The following STT3B variants were observed in gnomAD, a reference collection of about 807,000 sequenced individuals.
STT3B encodes the protein dolichyl-diphosphooligosaccharide--protein glycosyltransferase subunit STT3B.
STT3B carries 29 observed loss-of-function variants against 96.8 expected under a neutral mutation model. That is an observed-to-expected ratio of 0.30 (90% CI 0.22 to 0.41). STT3B has a LOEUF of 0.41. STT3B is among the 10% of genes least tolerant of loss of function. STT3B has a pLI of 1.00. For missense variants in STT3B, 640 were observed against 1,022.3 expected, an observed-to-expected ratio of 0.63 and a Z score of 5.10; for synonymous variants, 367 against 360.0, an observed-to-expected ratio of 1.02 and a Z score of -0.22.
At chr3:31,608,652 C>T (rs189645133) in intron 5 of STT3B, among the ~76,000 whole-genome samples, 42 of 152,294 alleles carry the variant, frequency 2.8e-4, no homozygotes, top group African/African-American at 9.6e-4. Context: ...CAACCATTAT[C>T]TAGAAGAATA....
chr3:31,600,862 C>T lies in STT3B; in HGVS notation c.877+403C>T, dbSNP rs145110005. Among the ~76,000 whole-genome samples the T allele has an allele frequency of 1.2e-3, 182 of 152,176 alleles. 2 individuals carry two copies. Among genetic ancestry groups the T allele is most frequent in the Middle Eastern group, 6.8e-3 (2 of 294 alleles). ...CTTTTTTGGATAATGTACTAATAGA[C>T]TGAGTCTCTGTTGTCTCTAGAAAAA... On this transcript the variant is annotated intron_variant, in intron 5 of 15. Transcript: ENST00000295770.
chr3:31,617,936 C>A lies in STT3B; in HGVS notation c.1124-4C>A. On this transcript the variant is annotated splice_polypyrimidine_tract_variant and splice_region_variant and intron_variant, in intron 7 of 15. Transcript: ENST00000295770. Reference sequence around the variant, plus strand: ...TTAATTTCATCCATGTTTTTCCTTCCAAGGTTACATTGCACCATGGAGTGG... The same window carrying A: ...TTAATTTCATCCATGTTTTTCCTTCAAAGGTTACATTGCACCATGGAGTGG... 6.3e-7 allele frequency: 1 copy of A among 1,598,848 alleles called. No homozygotes were observed. The highest frequency in any genetic ancestry group is 8.6e-7 in the Non-Finnish European group (1 of 1,167,268).
chr3:31,600,947 T>TGA (rs756684398), intron 5 of STT3B, among the ~76,000 whole-genome samples: 28 of 152,276 alleles, frequency 1.8e-4, no homozygotes, highest in Non-Finnish European at 3.8e-4. Context: ...TAGCGGTAGA[T>TGA]GATGTTTCAC....
intron 3 of STT3B, among the ~76,000 whole-genome samples, chr3:31,587,687 A>G (rs963880565): frequency 6.6e-6 from 1 of 152,036 alleles, no homozygotes; most frequent in Admixed American, 6.6e-5. Flanking sequence ...TTGGGTTCTA[A>G]TTTCTGTCTA....
At chr3:31,595,386 C>A (rs1397685296) in intron 3 of STT3B, among the ~76,000 whole-genome samples, 2 of 152,170 alleles carry the variant, frequency 1.3e-5, no homozygotes, top group East Asian at 3.9e-4. Context: ...AGTAGCTCAG[C>A]TGTTTTCTGT....
chr3:31,623,399 G>A (rs1288286328), intron 10 of STT3B, among the ~76,000 whole-genome samples: 1 of 152,182 alleles, frequency 6.6e-6, no homozygotes, highest in African/African-American at 2.4e-5. Context: ...TTTAATTAAA[G>A]TATAAGGACA....
chr3:31,614,353 A>G (rs547851408), intron 5 of STT3B, among the ~76,000 whole-genome samples: 6 of 152,110 alleles, frequency 3.9e-5, no homozygotes, highest in South Asian at 2.1e-4. Flanking sequence ...TCTCTAATCA[A>G]TTGCGTAACA....
chr3:31,571,445 A>G (rs1575419614), intron 1 of STT3B, among the ~76,000 whole-genome samples: 4 of 152,066 alleles, frequency 2.6e-5, no homozygotes, highest in Admixed American at 2.6e-4. Context: ...TACATTCACA[A>G]CCCTTGCACA....
chr3:31,549,965 G>T (rs1293329187), intron 1 of STT3B, among the ~76,000 whole-genome samples: 1 of 151,920 alleles, frequency 6.6e-6, no homozygotes, highest in Admixed American at 6.5e-5. Context: ...TTTTGTATGT[G>T]ATCTTAGATT....
In STT3B at chr3:31,587,079, A is replaced by G. The variant is rs72856022; in HGVS notation, c.711+6983A>G. ...GGCGATCAGGTTAGTGACTTGATCT[A>G]TTTTAAGCACCGAAAGCTATAATTT... On this transcript the variant is annotated intron_variant, in intron 3 of 15. Coordinates refer to ENST00000295770, the MANE Select transcript of STT3B (RefSeq NM_178862.3). Among the ~76,000 whole-genome samples, 4 of 152,244 alleles carry G rather than the reference A, an allele frequency of 2.6e-5. No homozygotes were observed. In the South Asian group the frequency reaches 6.2e-4, roughly 24 times the overall value.
At chr3:31,578,049 G>A (rs114987287) in intron 2 of STT3B, among the ~76,000 whole-genome samples, 6,019 of 152,086 alleles carry the variant, frequency 0.04, 156 homozygotes, top group South Asian at 0.074. Context: ...CTTAGTTTGA[G>A]GTTTCTTATA....
At chr3:31,600,853 A>C (rs1698912165) in intron 5 of STT3B, among the ~76,000 whole-genome samples, 1 of 152,122 alleles carries the variant, frequency 6.6e-6, no homozygotes, top group South Asian at 2.1e-4. Flanking sequence ...TGGATAATGT[A>C]CTAATAGACT....
At chr3:31,562,686 G>A (rs1472270740) in intron 1 of STT3B, among the ~76,000 whole-genome samples, 2 of 152,198 alleles carry the variant, frequency 1.3e-5, no homozygotes, top group African/African-American at 4.8e-5. Flanking sequence ...CTCTGCAGCA[G>A]CCTGCAGCCC....
intron 1 of STT3B, among the ~76,000 whole-genome samples, chr3:31,540,194 G>A (rs574493806): frequency 1.3e-5 from 2 of 152,246 alleles, no homozygotes; most frequent in African/African-American, 2.4e-5. Context: ...TTCAGGCTTA[G>A]ATTTGGAAAC....
intron 5 of STT3B, among the ~76,000 whole-genome samples, chr3:31,611,698 T>A (rs1699184248): frequency 6.6e-6 from 1 of 152,134 alleles, no homozygotes; most frequent in African/African-American, 2.4e-5. Context: ...GGTTTCTCCA[T>A]GTTGGTCAGG....
chr3:31,571,493 A>G (rs181638764), intron 1 of STT3B, among the ~76,000 whole-genome samples: 8 of 152,288 alleles, frequency 5.3e-5, no homozygotes, highest in Admixed American at 3.9e-4. Flanking sequence ...CAGCACATGC[A>G]AAGAAGCCAA....
At chr3:31,621,623 C>T (rs1699431491) in intron 9 of STT3B, among the ~76,000 whole-genome samples, 1 of 152,182 alleles carries the variant, frequency 6.6e-6, no homozygotes, top group Non-Finnish European at 1.5e-5. Context: ...AGTTTCTTGG[C>T]AGTAACTTTG....
intron 1 of STT3B, among the ~76,000 whole-genome samples, chr3:31,555,717 A>ACC (rs1487520827): frequency 4.6e-5 from 7 of 152,128 alleles, no homozygotes; most frequent in Admixed American, 2.0e-4. Flanking sequence ...AAACTAGGAC[A>ACC]CCCTTAAAGG....
intron 7 of STT3B, 113 bp downstream of exon 7, chr3:31,617,188 T>TTTC: frequency 4.4e-6 from 3 of 675,908 alleles, no homozygotes; most frequent in South Asian, 9.7e-5. Context: ...ATTTTTTTCT[T>TTTC]TTTTTTTTTT....
Sources: allele counts gnomAD v4.1 joint callset (sites outside exome capture counted in the v4.1 genomes callset), GRCh38; gene constraint gnomAD v4.1.1; transcripts MANE v1.5; gene names NCBI Gene and HGNC (gene_info 2026-07-23, HGNC 2026-07-21).